ZC3H12B: variants seen among roughly 807,000 people sequenced by gnomAD.
ZC3H12B encodes probable ribonuclease ZC3H12B.
ZC3H12B carries 7 observed loss-of-function variants against 43.9 expected under a neutral mutation model. That is an observed-to-expected ratio of 0.16 (90% CI 0.09 to 0.30). The LOEUF (loss-of-function observed/expected upper bound fraction) is 0.30. ZC3H12B is among the 10% of genes least tolerant of loss of function. The pLI is 1.00. For synonymous variants in ZC3H12B, 222 were observed against 241.7 expected (o/e 0.92, Z 0.76); for missense variants, 475 against 670.2 (o/e 0.71, Z 3.22).
At chrX:65,319,460 G>A in the ZC3H12B span, among the ~76,000 whole-genome samples, 11 of 111,380 alleles carry the variant, frequency 9.9e-5, 1 homozygote, top group Middle Eastern at 0.014. Context: ...AAAAAACACA[G>A]GCCTAGATGG....
At chrX:65,327,481 C>T in the ZC3H12B span, among the ~76,000 whole-genome samples, 1 of 111,117 alleles carries the variant, frequency 9.0e-6, no homozygotes, top group South Asian at 3.7e-4. Flanking sequence ...AAACAAGCCA[C>T]CATTCTCCAA....
the ZC3H12B span, among the ~76,000 whole-genome samples, chrX:65,242,883 C>A: frequency 8.9e-6 from 1 of 112,337 alleles, no homozygotes; most frequent in East Asian, 2.8e-4. Context: ...TGAGAAAGGA[C>A]CATTTCTTCA....
chrX:65,350,797 C>A, the ZC3H12B span, among the ~76,000 whole-genome samples: 1 of 111,496 alleles, frequency 9.0e-6, no homozygotes, highest in Non-Finnish European at 1.9e-5. Flanking sequence ...TAACTATAAA[C>A]CACTGCTCAA....
At chrX:65,123,722 G>C in the ZC3H12B span, among the ~76,000 whole-genome samples, 1 of 96,172 alleles carries the variant, frequency 1.0e-5, no homozygotes, top group Non-Finnish European at 2.1e-5. Context: ...CTAAGTTGTT[G>C]TTGTTTCTTT....
At chrX:65,055,710 C>G in the ZC3H12B span, among the ~76,000 whole-genome samples, 1 of 111,379 alleles carries the variant, frequency 9.0e-6, no homozygotes, top group Non-Finnish European at 1.9e-5. Flanking sequence ...TTGAATTCTT[C>G]TGGTCCTGGT....
At chrX:65,087,683 T>G in the ZC3H12B span, among the ~76,000 whole-genome samples, 2 of 111,547 alleles carry the variant, frequency 1.8e-5, no homozygotes, top group African/African-American at 3.3e-5. Flanking sequence ...CAGATAAAGG[T>G]CTAGGATCTG....
the ZC3H12B span, among the ~76,000 whole-genome samples, chrX:65,159,372 T>C: frequency 8.9e-6 from 1 of 112,031 alleles, no homozygotes; most frequent in African/African-American, 3.2e-5. Flanking sequence ...ATGGCCGTTT[T>C]CATGGTATTG....
At chrX:65,497,330 G>C in intron 2 of ZC3H12B, 59 bp downstream of exon 7, 1 of 1,067,822 alleles carries the variant, frequency 9.4e-7, no homozygotes, top group South Asian at 2.5e-5. Context: ...AAGATAGTTT[G>C]GGGATGGTCC....
the ZC3H12B span, among the ~76,000 whole-genome samples, chrX:65,160,306 G>A: frequency 1.1e-4 from 12 of 111,471 alleles, no homozygotes; most frequent in African/African-American, 3.9e-4. Flanking sequence ...TCCTTCTTTT[G>A]TATTGATTGG....
intron 2 of ZC3H12B, among the ~76,000 whole-genome samples, chrX:65,372,939 A>T (rs1277164338): frequency 8.9e-6 from 1 of 112,564 alleles, no homozygotes; most frequent in African/African-American, 3.2e-5. Context: ...ACTTTACAGT[A>T]AGAATTCAGA....
At chrX:65,054,722 T>G in the ZC3H12B span, among the ~76,000 whole-genome samples, 2 of 111,977 alleles carry the variant, frequency 1.8e-5, no homozygotes, top group Non-Finnish European at 3.8e-5. Context: ...TCCATGAGCA[T>G]GGAATGTTCT....
chrX:65,308,225 A>T, the ZC3H12B span, among the ~76,000 whole-genome samples: 1 of 110,228 alleles, frequency 9.1e-6, no homozygotes, highest in South Asian at 3.9e-4. Flanking sequence ...AAACAACTCT[A>T]AAAGGAACCC....
chrX:65,384,491 A>G (rs2066493277), intron 2 of ZC3H12B, among the ~76,000 whole-genome samples: 1 of 111,111 alleles, frequency 9.0e-6, no homozygotes, highest in Admixed American at 9.6e-5. Context: ...GTGCACATGT[A>G]CCCTAAAACA....
the ZC3H12B span, among the ~76,000 whole-genome samples, chrX:65,116,012 G>C: frequency 9.0e-6 from 1 of 111,378 alleles, no homozygotes; most frequent in Non-Finnish European, 1.9e-5. Context: ...TGTTAACTCT[G>C]CTGATTATTT....
the ZC3H12B span, among the ~76,000 whole-genome samples, chrX:65,313,137 G>A: frequency 7.2e-5 from 8 of 111,546 alleles, no homozygotes; most frequent in South Asian, 3.8e-4. Flanking sequence ...TCATCTTGGC[G>A]TCCCAAAGGG....
chrX:65,181,203 C>T, the ZC3H12B span, among the ~76,000 whole-genome samples: 12 of 111,672 alleles, frequency 1.1e-4, no homozygotes, highest in Admixed American at 5.7e-4. Context: ...TAGCTATATG[C>T]AGAAAACTGA....
At chrX:65,369,279 C>A (rs2066214232) in intron 2 of ZC3H12B, among the ~76,000 whole-genome samples, 1 of 111,576 alleles carries the variant, frequency 9.0e-6, no homozygotes, top group Non-Finnish European at 1.9e-5. Flanking sequence ...TGGAACTTTA[C>A]AAATCAAGTA....
At chrX:65,437,393 A>C (rs764431794) in intron 3 of ZC3H12B, among the ~76,000 whole-genome samples, 1 of 112,175 alleles carries the variant, frequency 8.9e-6, no homozygotes, top group African/African-American at 3.2e-5. Context: ...ATAACTGCAA[A>C]CATGCAATAT....
the ZC3H12B span, among the ~76,000 whole-genome samples, chrX:65,145,974 T>C: frequency 8.9e-6 from 1 of 111,740 alleles, no homozygotes; most frequent in African/African-American, 3.3e-5. Flanking sequence ...GATTATCTTC[T>C]TGCAATGAAT....
Sources: allele counts gnomAD v4.1 joint callset (sites outside exome capture counted in the v4.1 genomes callset), GRCh38; gene constraint gnomAD v4.1.1; transcripts MANE v1.5; gene names NCBI Gene and HGNC (gene_info 2026-07-23, HGNC 2026-07-21).